The following STPG2 variants were observed in gnomAD, a reference collection of about 807,000 sequenced individuals.
STPG2 encodes sperm-tail PG-rich repeat-containing protein 2.
A neutral mutation model predicts 54.2 loss-of-function variants in STPG2; 56 were observed. That is an observed-to-expected ratio of 1.03 (90% confidence interval 0.83 to 1.29). The LOEUF (loss-of-function observed/expected upper bound fraction) is 1.29. Among genes scored for constraint, STPG2 ranks in the 50% most tolerant of loss-of-function variants. The pLI is 0.00. For missense variants in STPG2, 596 were observed against 544.9 expected (o/e 1.09, Z -0.93); for synonymous variants, 200 against 181.8 (o/e 1.10, Z -0.81).
chr4:97,904,492 C>A (rs1731320910), intron 8 of STPG2, among the ~76,000 whole-genome samples: 1 of 152,178 alleles, frequency 6.6e-6, no homozygotes, highest in Admixed American at 6.5e-5. Context: ...GATAAAACCA[C>A]AAAGATGGGG....
intron 9 of STPG2, among the ~76,000 whole-genome samples, chr4:97,777,816 T>C (rs1256257189): frequency 6.6e-6 from 1 of 152,262 alleles, no homozygotes; most frequent in Non-Finnish European, 1.5e-5. Flanking sequence ...GTTTCATTCA[T>C]AGTGGATTAA....
Position 97,944,013 on chromosome 4 carries a change from G to C in STPG2, c.934-6C>G. On this transcript the variant is annotated splice_polypyrimidine_tract_variant and splice_region_variant and intron_variant, in intron 7 of 10. Transcript: ENST00000295268. ...CCCTGTGAATGCCAAAATTCCTGTT[G>C]AAAGAAGGGGTTAAAAAGAGTACAT... 6.3e-7 allele frequency: 1 copy of C among 1,576,280 alleles called. No individual in the cohort carries two copies. The highest frequency in any genetic ancestry group is 8.7e-7 in the Non-Finnish European group (1 of 1,148,318).
intron 4 of STPG2, among the ~76,000 whole-genome samples, chr4:97,552,208 T>C (rs942888048): frequency 1.3e-5 from 2 of 152,140 alleles, no homozygotes; most frequent in African/African-American, 4.8e-5. Context: ...ATGGGCAAAC[T>C]ATTTCACCTC....
At chr4:97,529,719 T>A (rs1457304609) in intron 4 of STPG2, among the ~76,000 whole-genome samples, 3 of 152,196 alleles carry the variant, frequency 2.0e-5, no homozygotes. Context: ...GGAGCATGTA[T>A]GTATCCAAGA....
chr4:98,084,442 G>T (rs534164804), intron 5 of STPG2, among the ~76,000 whole-genome samples: 1 of 152,030 alleles, frequency 6.6e-6, no homozygotes, highest in Non-Finnish European at 1.5e-5. Flanking sequence ...ATAAGTATTT[G>T]GTGAACATAT....
At chr4:97,794,534 T>C (rs1404112181) in intron 9 of STPG2, among the ~76,000 whole-genome samples, 2 of 152,158 alleles carry the variant, frequency 1.3e-5, no homozygotes. Context: ...AGTGTTTTAA[T>C]TGAAATGAAG....
At chr4:97,602,543 T>C (rs936082042) in intron 10 of STPG2, among the ~76,000 whole-genome samples, 1 of 151,832 alleles carries the variant, frequency 6.6e-6, no homozygotes, top group Non-Finnish European at 1.5e-5. Flanking sequence ...TTGAATACAA[T>C]GTTTACTCTA....
At chr4:97,931,855 T>A (rs1261600607) in intron 8 of STPG2, among the ~76,000 whole-genome samples, 1 of 152,148 alleles carries the variant, frequency 6.6e-6, no homozygotes, top group Non-Finnish European at 1.5e-5. Flanking sequence ...AATTCAGCTA[T>A]GAATCCATCA....
chr4:97,885,802 T>A (rs1043842194), intron 8 of STPG2, among the ~76,000 whole-genome samples: 1 of 152,164 alleles, frequency 6.6e-6, no homozygotes, highest in Non-Finnish European at 1.5e-5. Context: ...CAATCCCCCA[T>A]GCATATTGTG....
intron 9 of STPG2, among the ~76,000 whole-genome samples, chr4:97,785,247 G>T (rs13133925): frequency 0.24 from 37,071 of 151,748 alleles, 5,289 homozygotes; most frequent in Middle Eastern, 0.36. Context: ...TGTTCACCTA[G>T]AAGTATATAT....
At chr4:97,713,837 G>A (rs527848750) in intron 9 of STPG2, among the ~76,000 whole-genome samples, 8 of 152,156 alleles carry the variant, frequency 5.3e-5, no homozygotes, top group African/African-American at 1.4e-4. Flanking sequence ...ATAGGGAGAC[G>A]TAATTTTTTT....
intron 5 of STPG2, among the ~76,000 whole-genome samples, chr4:98,043,303 T>C (rs894524929): frequency 3.9e-5 from 6 of 152,096 alleles, no homozygotes; most frequent in Admixed American, 2.0e-4. Flanking sequence ...ATCTTTTTAA[T>C]TGTAGAGCTT....
intron 4 of STPG2, among the ~76,000 whole-genome samples, chr4:97,467,536 A>C (rs1054367367): frequency 6.6e-6 from 1 of 152,060 alleles, no homozygotes; most frequent in Admixed American, 6.6e-5. Flanking sequence ...ACATTCATAC[A>C]GTATTCATGT....
chr4:97,713,879 G>C (rs559682422), intron 9 of STPG2, among the ~76,000 whole-genome samples: 1 of 152,284 alleles, frequency 6.6e-6, no homozygotes, highest in South Asian at 2.1e-4. Flanking sequence ...ATACTATTGA[G>C]TGTCTATCAC....
chr4:97,689,844 T>A (rs960175515), intron 10 of STPG2, among the ~76,000 whole-genome samples: 1 of 152,026 alleles, frequency 6.6e-6, no homozygotes, highest in Non-Finnish European at 1.5e-5. Flanking sequence ...ATTGTCTTAA[T>A]TTTTTTACCT....
chr4:98,020,934 A>G (rs13114611), intron 5 of STPG2, among the ~76,000 whole-genome samples: 59,590 of 151,482 alleles, frequency 0.39, 11,941 homozygotes, highest in Middle Eastern at 0.46. Context: ...TCTTGCTAGC[A>G]GTCTATCAGT....
At chr4:97,680,124 C>G (rs900398349) in intron 10 of STPG2, among the ~76,000 whole-genome samples, 1 of 150,864 alleles carries the variant, frequency 6.6e-6, no homozygotes, top group African/African-American at 2.4e-5. Flanking sequence ...TTTTTTGGTT[C>G]CATATGAACT....
chr4:97,631,932 C>G (rs1387350575), intron 10 of STPG2, among the ~76,000 whole-genome samples: 1 of 151,892 alleles, frequency 6.6e-6, no homozygotes, highest in Non-Finnish European at 1.5e-5. Flanking sequence ...TAATGAAAGA[C>G]AAAAACAGTT....
intron 8 of STPG2, among the ~76,000 whole-genome samples, chr4:97,851,331 CATGA>C (rs1332658422): frequency 6.6e-6 from 1 of 152,142 alleles, no homozygotes; most frequent in Non-Finnish European, 1.5e-5. Context: ...GTTATAAGTG[CATGA>C]ATGAGTCTAA....
Sources: allele counts gnomAD v4.1 joint callset (sites outside exome capture counted in the v4.1 genomes callset), GRCh38; gene constraint gnomAD v4.1.1; transcripts MANE v1.5; gene names NCBI Gene and HGNC (gene_info 2026-07-23, HGNC 2026-07-21).